The following JAKMIP3 variants were observed in gnomAD, a reference collection of about 807,000 sequenced individuals.
JAKMIP3 encodes janus kinase and microtubule-interacting protein 3.
In JAKMIP3, 58 loss-of-function variants were observed where a neutral mutation model predicts 118.5. The observed-to-expected ratio is 0.49, with a 90% confidence interval of 0.40 to 0.61. The LOEUF (loss-of-function observed/expected upper bound fraction) is 0.61, where lower values mean the gene tolerates loss of function less well. Among genes scored for constraint, JAKMIP3 ranks in the 20% least tolerant of loss-of-function variants. The pLI, the probability that JAKMIP3 is intolerant of heterozygous loss-of-function variation, is 0.00. For synonymous variants in JAKMIP3, 486 were observed against 451.2 expected (o/e 1.08, Z -0.98); for missense variants, 950 against 1,109.0 (o/e 0.86, Z 2.04).
chr10:132,161,066 T>A, intron 19 of JAKMIP3, among the ~76,000 whole-genome samples: 1 of 120,406 alleles, frequency 8.3e-6, no homozygotes, highest in East Asian at 2.6e-4. Flanking sequence ...TGTCTTTCTG[T>A]GTGATGCTGG....
chr10:132,168,127 G>C lies in JAKMIP3; in HGVS notation c.*197G>C, dbSNP rs1291407835. On this transcript the variant is annotated 3_prime_UTR_variant, in exon 23 of 24. Coordinates refer to ENST00000684848, the MANE Select transcript of JAKMIP3 (RefSeq NM_001323087.2). ...CGTGGAGCTGCCGTCCACGTGGGAT[G>C]TGCCAGAACTAGAACTGGCTCTGCC... The C allele has an allele frequency of 3.9e-5, 50 of 1,288,232 alleles. No individual in the cohort carries two copies. The highest frequency in any genetic ancestry group is 4.9e-5 in the Non-Finnish European group (48 of 987,994). 79.8% of individuals were successfully genotyped at this position (1,288,232 alleles called of 1,614,324 possible). A position where few individuals can be genotyped will look rare whatever the true frequency, so the allele number is the denominator to read the frequency against.
Position 132,167,611 on chromosome 10 carries a change from A to AG in JAKMIP3, c.*23-340dup, listed in dbSNP as rs1440953330. On this transcript the variant is annotated intron_variant, in intron 22 of 23. Coordinates refer to ENST00000684848, the MANE Select transcript of JAKMIP3 (RefSeq NM_001323087.2). The stretch of plus-strand genomic sequence containing the variant: ...AGATGGCTGCCTCCTTCCAAACTGG[A>AG]GGAGGGGCAAGTAGGACGTCACATC... Among the ~76,000 whole-genome samples the AG allele has an allele frequency of 3.9e-5, 6 of 152,210 alleles. No individual in the cohort carries two copies. In the East Asian group the frequency reaches 1.2e-3, roughly 29 times the overall value.
chr10:132,180,322 C>A (rs563755739), intron 23 of JAKMIP3, among the ~76,000 whole-genome samples: 6 of 151,274 alleles, frequency 4.0e-5, no homozygotes, highest in African/African-American at 1.5e-4. Flanking sequence ...GAGACCAAGG[C>A]CAGACCCATG....
chr10:132,058,722 A>G (rs2038312766), intron 1 of JAKMIP3, among the ~76,000 whole-genome samples: 1 of 152,232 alleles, frequency 6.6e-6, no homozygotes, highest in African/African-American at 2.4e-5. Context: ...GGAAAATCAC[A>G]GGTTGTCTTG....
intron 1 of JAKMIP3, among the ~76,000 whole-genome samples, chr10:132,041,414 G>A (rs939634814): frequency 1.3e-5 from 2 of 152,346 alleles, no homozygotes; most frequent in African/African-American, 2.4e-5. Context: ...GGATGAGGGC[G>A]GCTGTATGCA....
chr10:132,064,619 T>C (rs1297757957), upstream of JAKMIP3, among the ~76,000 whole-genome samples: 1 of 152,170 alleles, frequency 6.6e-6, no homozygotes, highest in Non-Finnish European at 1.5e-5. This position sits in a 1 kb window ranked among gnomAD's most constrained non-coding sequence, Gnocchi z 4.4. Context: ...CAGCGATGGT[T>C]GGTAACCAGG....
chr10:132,170,403 C>A lies in JAKMIP3; in HGVS notation c.*1103+1370C>A, dbSNP rs79939639. On this transcript the variant is annotated intron_variant, in intron 23 of 23. Transcript: ENST00000684848. Reference sequence around the variant, plus strand: ...CTTCCCGGCTGCCTCACTCCCACCCCCTGCGGGCCAGGCCTCACAGCAGGG... The same window carrying A: ...CTTCCCGGCTGCCTCACTCCCACCCACTGCGGGCCAGGCCTCACAGCAGGG... Among the ~76,000 whole-genome samples, 771 of 152,216 alleles carry A rather than the reference C, an allele frequency of 5.1e-3. 6 individuals are homozygous for A. Among genetic ancestry groups the A allele is most frequent in the African/African-American group, 0.017 (718 of 41,538 alleles).
Position 132,180,653 on chromosome 10 carries a change from G to A in JAKMIP3, c.*1104-1704G>A, listed in dbSNP as rs1299320655. ...TGTGTGCGTGCGTGTGTGCGTGTGC[G>A]TGTGCGTGTGTGCGTGTGTGTGCGC... On this transcript the variant is annotated intron_variant, in intron 23 of 23. Transcript: ENST00000684848. Among the ~76,000 whole-genome samples, 2 of 29,478 alleles carry A rather than the reference G, an allele frequency of 6.8e-5. 1 individual carries two copies. 19.3% of individuals were successfully genotyped at this position (29,478 alleles called of 152,430 possible).
rs1201241399 is a variant in JAKMIP3, at chr10:132,184,822, C to T, written c.*3569C>T. ...GTTTTAAATCTTAGACGATTAAAGT[C>T]CCCTCAAAGGTATTAAAGTTTGAAC... On this transcript the variant is annotated 3_prime_UTR_variant, in exon 24 of 24. Transcript: ENST00000684848. The T allele has an allele frequency of 1.3e-5, 2 of 152,220 alleles. No individual in the cohort carries two copies. Among genetic ancestry groups the T allele is most frequent in the African/African-American group, 2.4e-5 (1 of 41,456 alleles). The allele number at this position is 152,220 out of a possible 1,614,324, so 9.4% of individuals were successfully genotyped here. A position where few individuals can be genotyped will look rare whatever the true frequency, so the allele number is the denominator to read the frequency against.
intron 1 of JAKMIP3, among the ~76,000 whole-genome samples, chr10:132,069,608 C>A (rs1190199694): frequency 2.0e-5 from 3 of 151,670 alleles, no homozygotes; most frequent in African/African-American, 7.3e-5. Flanking sequence ...TGTGGTCAAC[C>A]TCCTGTTGTG....
Position 132,168,033 on chromosome 10 carries a change from G to A in JAKMIP3, c.*103G>A. ...TGGGACGTCGCGTCTCCATCCTGAA[G>A]ACCCAGGGAGATTTGGTCTCTGCAC... On this transcript the variant is annotated 3_prime_UTR_variant, in exon 23 of 24. Transcript: ENST00000684848. The A allele has an allele frequency of 1.6e-6, 2 of 1,289,604 alleles. No individual in the cohort carries two copies. Among genetic ancestry groups the A allele is most frequent in the Admixed American group, 2.3e-5 (1 of 43,570 alleles). 79.9% of individuals were successfully genotyped at this position (1,289,604 alleles called of 1,614,324 possible).
intron 23 of JAKMIP3, among the ~76,000 whole-genome samples, chr10:132,173,709 T>TCTC (rs199641360): frequency 3.9e-5 from 5 of 129,276 alleles, no homozygotes; most frequent in African/African-American, 5.3e-5. Flanking sequence ...CTGTGGTATG[T>TCTC]TCATGGTGGT....
At chr10:132,111,701 C>T (rs901622818) in intron 2 of JAKMIP3, among the ~76,000 whole-genome samples, 4 of 152,146 alleles carry the variant, frequency 2.6e-5, no homozygotes, top group Non-Finnish European at 5.9e-5. Context: ...GGGCCATGCT[C>T]CAGGCACAGC....
intron 3 of JAKMIP3, among the ~76,000 whole-genome samples, chr10:132,125,052 C>T (rs1032381744): frequency 6.6e-6 from 1 of 152,228 alleles, no homozygotes; most frequent in Non-Finnish European, 1.5e-5. Flanking sequence ...CTTCCTCATG[C>T]TGGCTTTAGA....
At chr10:132,036,371 C>A (rs893901600), upstream of JAKMIP3, among the ~76,000 whole-genome samples, 14 of 152,346 alleles carry the variant, frequency 9.2e-5, no homozygotes, top group African/African-American at 3.1e-4. Context: ...GCAGCTCCCC[C>A]GTGCTGCGCA....
intron 19 of JAKMIP3, among the ~76,000 whole-genome samples, chr10:132,159,873 GGGGTCTCTTCCTGTGT>G (rs2057818039): frequency 1.2e-5 from 1 of 84,600 alleles, no homozygotes; most frequent in Non-Finnish European, 2.3e-5. Context: ...TGATGCTGGG[GGGGTCTCTTCCTGTGT>G]GATGCTGGGG....
In JAKMIP3 at chr10:132,153,751, G is replaced by A; in HGVS notation, c.2074-8G>A. 1.2e-6 allele frequency: 2 copies of A among 1,613,034 alleles called. No individual in the cohort carries two copies. The highest frequency in any genetic ancestry group is 1.1e-5 in the South Asian group (1 of 91,048). On this transcript the variant is annotated splice_region_variant and splice_polypyrimidine_tract_variant and intron_variant, in intron 17 of 23. Coordinates refer to ENST00000684848, the MANE Select transcript of JAKMIP3 (RefSeq NM_001323087.2). ...GGTCACTGTCCTGCTTGTTCTGTTT[G>A]TGTCCAGTGGCTCCAGCAGATTGAG...
intron 1 of JAKMIP3, among the ~76,000 whole-genome samples, chr10:132,092,958 C>T (rs929787855): frequency 3.3e-5 from 5 of 152,116 alleles, no homozygotes; most frequent in African/African-American, 1.2e-4. Flanking sequence ...GTGTGGATGT[C>T]CTTTCTGTTT....
At chr10:132,121,633 G>A (rs1178416118) in intron 3 of JAKMIP3, among the ~76,000 whole-genome samples, 1 of 152,220 alleles carries the variant, frequency 6.6e-6, no homozygotes, top group East Asian at 1.9e-4. Context: ...CCAGGTGTGG[G>A]CACATTGCCG....
Sources: gnomAD v4.1 joint callset for allele counts (sites outside exome capture counted in the v4.1 genomes callset) on GRCh38, gnomAD v4.1.1 for gene constraint, Gnocchi (gnomAD v3.1) non-coding constraint, MANE v1.5 for transcripts, NCBI Gene and HGNC (gene_info 2026-07-23, HGNC 2026-07-21) for gene names.